ULK4: variants seen among roughly 807,000 people sequenced by gnomAD.
ULK4 encodes inactive serine/threonine-protein kinase ULK4.
ULK4 carries 133 observed loss-of-function variants against 160.6 expected under a neutral mutation model. That is an observed-to-expected ratio of 0.83 (90% CI 0.72 to 0.96). The LOEUF is 0.96. Among genes scored for constraint, ULK4 ranks in the 40% least tolerant of loss-of-function variants. ULK4 has a pLI of 0.00. For missense variants in ULK4, 1,580 were observed against 1,499.5 expected (o/e 1.05, Z -0.89); for synonymous variants, 534 against 539.8 (o/e 0.99, Z 0.15).
chr3:41,737,857 T>A (rs775227192), intron 22 of ULK4, among the ~76,000 whole-genome samples: 2 of 151,948 alleles, frequency 1.3e-5, no homozygotes, highest in Non-Finnish European at 2.9e-5. Flanking sequence ...AGCACATCTA[T>A]AGACCTACTC....
chr3:41,345,849 T>C (rs996403659), intron 35 of ULK4, among the ~76,000 whole-genome samples: 1 of 151,622 alleles, frequency 6.6e-6, no homozygotes, highest in Non-Finnish European at 1.5e-5. Context: ...ACAATGGGAG[T>C]AGCACAGACA....
Position 41,924,452 on chromosome 3 carries a change from T to C in ULK4, c.542-4634A>G, listed in dbSNP as rs1429776597. ...CCAAACAGACTAACCTGCCCTGTCA[T>C]AGAGACTGTTCTTAGATTAAGTTCA... On this transcript the variant is annotated intron_variant, in intron 5 of 36. Transcript: ENST00000301831. 2.6e-5 allele frequency among the ~76,000 whole-genome samples: 4 copies of C among 152,336 alleles called. No homozygotes were observed. The East Asian group carries it at 5.8e-4, about 22-fold the overall frequency.
At position 41,754,444 on chromosome 3, in the gene ULK4, T is replaced by C. The variant is rs759472233; in HGVS notation, c.2238A>G (p.Thr746=). 3.7e-6 allele frequency: 6 copies of C among 1,613,602 alleles called. No individual in the cohort carries two copies. The African/African-American group carries it at 6.7e-5, about 18-fold the overall frequency. ...CCAGGAAGGCTTTTGCTCTAATGCA[T>C]GTTGAGGGGCTGTCAAGTAAACGGA... is the stretch of plus-strand genomic sequence containing the variant. The part of the protein sequence containing the change: ...TIIRLLDSPS[T]CIRAKAFLVL... The change falls in exon 22 of 37, where the codon ACA becomes ACG. Residue 746 remains threonine, a synonymous_variant. Transcript: ENST00000301831.
chr3:41,874,734 G>A lies in ULK4; in HGVS notation c.1656+9140C>T, dbSNP rs539694742. On this transcript the variant is annotated intron_variant, in intron 17 of 36. Coordinates refer to ENST00000301831, the MANE Select transcript of ULK4 (RefSeq NM_017886.4). Reference sequence around the variant, plus strand: ...TGAAGGAGGGGAGAGGGATTAAAAAGACTACATATTGAGTACAGTGTACAC... The same window carrying A: ...TGAAGGAGGGGAGAGGGATTAAAAAAACTACATATTGAGTACAGTGTACAC... Among the ~76,000 whole-genome samples the A allele has an allele frequency of 4.6e-5, 7 of 152,258 alleles. No individual in the cohort carries two copies. The South Asian group carries it at 1.5e-3, about 32-fold the overall frequency.
chr3:41,385,875 C>A (rs1190366127), intron 35 of ULK4, among the ~76,000 whole-genome samples: 1 of 152,124 alleles, frequency 6.6e-6, no homozygotes, highest in African/African-American at 2.4e-5. Flanking sequence ...GGCTCCTAGG[C>A]CACATTCTTT....
At chr3:41,568,857 C>A (rs2087873745) in intron 31 of ULK4, among the ~76,000 whole-genome samples, 2 of 152,190 alleles carry the variant, frequency 1.3e-5, no homozygotes, top group South Asian at 2.1e-4. Flanking sequence ...CAAGGCTACA[C>A]CCTCCTTCCC....
intron 32 of ULK4, among the ~76,000 whole-genome samples, chr3:41,529,620 G>T (rs1250712077): frequency 6.6e-6 from 1 of 152,138 alleles, no homozygotes; most frequent in Non-Finnish European, 1.5e-5. Context: ...ATGTAGCTGG[G>T]ACTACAGGTG....
intron 21 of ULK4, among the ~76,000 whole-genome samples, chr3:41,763,709 G>T (rs1451268468): frequency 6.6e-6 from 1 of 152,068 alleles, no homozygotes; most frequent in Non-Finnish European, 1.5e-5. Context: ...CTTCTTTTGG[G>T]TATACACCTG....
chr3:41,393,787 C>A (rs2082002190), intron 35 of ULK4, among the ~76,000 whole-genome samples: 1 of 152,142 alleles, frequency 6.6e-6, no homozygotes, highest in Non-Finnish European at 1.5e-5. Context: ...AAAGTTCAGT[C>A]CAATTCTGCC....
intron 19 of ULK4, among the ~76,000 whole-genome samples, chr3:41,802,300 T>C (rs920090389): frequency 6.6e-6 from 1 of 152,214 alleles, no homozygotes. Context: ...AAGCTGCAGC[T>C]GCTGTTTTTC....
intron 35 of ULK4, among the ~76,000 whole-genome samples, chr3:41,390,958 C>T (rs1359375848): frequency 6.6e-6 from 1 of 151,982 alleles, no homozygotes. Flanking sequence ...TCCCCCTTCC[C>T]TTCCCTTCAC....
intron 32 of ULK4, among the ~76,000 whole-genome samples, chr3:41,491,769 T>C (rs969547190): frequency 2.3e-5 from 3 of 132,802 alleles, no homozygotes; most frequent in Non-Finnish European, 3.3e-5. Context: ...TTAGGGTACA[T>C]GTGCACAATG....
chr3:41,912,999 C>T, intron 8 of ULK4, 100 bp from the exon 9 acceptor site: 1 of 943,324 alleles, frequency 1.1e-6, no homozygotes, highest in Non-Finnish European at 1.6e-6. Flanking sequence ...TTACAAGGTA[C>T]ACATGTACCT....
At chr3:41,828,926 T>A (rs1232812716) in intron 18 of ULK4, among the ~76,000 whole-genome samples, 3 of 151,768 alleles carry the variant, frequency 2.0e-5, no homozygotes, top group South Asian at 2.1e-4. Context: ...CAAAACAGCA[T>A]GGTACTGGTA....
At chr3:41,957,648 G>A (rs938072197) in intron 1 of ULK4, among the ~76,000 whole-genome samples, 10 of 151,652 alleles carry the variant, frequency 6.6e-5, no homozygotes, top group Non-Finnish European at 1.3e-4. Flanking sequence ...AGGAGATTGA[G>A]GCTGCAGTGA....
intron 34 of ULK4, among the ~76,000 whole-genome samples, chr3:41,412,541 C>T (rs1575528403): frequency 2.3e-5 from 3 of 127,950 alleles, no homozygotes; most frequent in Non-Finnish European, 3.5e-5. Flanking sequence ...AGGTCAATGG[C>T]AATGCAGTTG....
intron 32 of ULK4, among the ~76,000 whole-genome samples, chr3:41,531,580 T>C (rs1054066835): frequency 1.3e-5 from 2 of 151,514 alleles, no homozygotes; most frequent in African/African-American, 4.9e-5. Context: ...AAAAAAAATA[T>C]TTCTAGCATC....
chr3:41,705,173 A>G, intron 26 of ULK4, 22 bp from the exon 27 acceptor site: 1 of 1,607,022 alleles, frequency 6.2e-7, no homozygotes, highest in African/African-American at 1.3e-5. Context: ...GTTAATTATT[A>G]TAGGTGTTTA....
intron 22 of ULK4, 68 bp downstream of exon 22, chr3:41,754,293 C>T: frequency 6.6e-7 from 1 of 1,519,104 alleles, no homozygotes; most frequent in Non-Finnish European, 8.8e-7. Flanking sequence ...CCAAGAAATA[C>T]CCTACAACTA....
Sources: gnomAD v4.1 joint callset for allele counts (sites outside exome capture counted in the v4.1 genomes callset) on GRCh38, gnomAD v4.1.1 for gene constraint, MANE v1.5 for transcripts, NCBI Gene and HGNC (gene_info 2026-07-23, HGNC 2026-07-21) for gene names.